The following APLF variants were observed in gnomAD, a reference collection of about 807,000 sequenced individuals.
APLF encodes aprataxin and PNKP like factor.
In APLF, 61 loss-of-function variants were observed where a neutral mutation model predicts 55.6. That is an observed-to-expected ratio of 1.10 (90% confidence interval 0.89 to 1.36). The LOEUF (loss-of-function observed/expected upper bound fraction) is 1.36, where lower values mean the gene tolerates loss of function less well. APLF is among the 40% of genes most tolerant of loss of function. The pLI is 0.00. For missense variants in APLF, 611 were observed against 602.5 expected, an observed-to-expected ratio of 1.01 and a Z score of -0.15; for synonymous variants, 207 against 214.8, an observed-to-expected ratio of 0.96 and a Z score of 0.32.
intron 5 of APLF, among the ~76,000 whole-genome samples, chr2:68,521,687 T>C (rs1244629045): frequency 6.6e-6 from 1 of 151,912 alleles, no homozygotes; most frequent in Non-Finnish European, 1.5e-5. Context: ...ATATTTCCAC[T>C]GGTATCATGC....
In APLF at chr2:68,529,149, C is replaced by T. The variant is rs530942582; in HGVS notation, c.804+2907C>T. 443 of 1,308,640 alleles carry T rather than the reference C, an allele frequency of 3.4e-4. 2 individuals are homozygous for T. The highest frequency in any genetic ancestry group is 4.2e-4 in the Non-Finnish European group (404 of 955,942). 81.1% of individuals were successfully genotyped at this position (1,308,640 alleles called of 1,614,324 possible). A position where few individuals can be genotyped will look rare whatever the true frequency, so the allele number is the denominator to read the frequency against. On this transcript the variant is annotated intron_variant, in intron 6 of 9. Transcript: ENST00000303795. This position sits in a 1 kb window ranked among gnomAD's most constrained non-coding sequence, Gnocchi z 4.4. Reference sequence around the variant, plus strand: ...ATCCTGGAGTTGCGAGCAGACAGCACGGGTTTCTTCCTTGAGGGGGGGCTC... The same window carrying T: ...ATCCTGGAGTTGCGAGCAGACAGCATGGGTTTCTTCCTTGAGGGGGGGCTC...
chr2:68,516,891 A>G (rs1338139841), intron 5 of APLF, among the ~76,000 whole-genome samples: 1 of 132,526 alleles, frequency 7.5e-6, no homozygotes, highest in Non-Finnish European at 1.6e-5. Flanking sequence ...TATATATAAT[A>G]TAATAATATA....
At chr2:68,511,364 T>C (rs760547517) in intron 3 of APLF, among the ~76,000 whole-genome samples, 10 of 151,886 alleles carry the variant, frequency 6.6e-5, no homozygotes, top group Non-Finnish European at 1.3e-4. Context: ...GTGACAGTGT[T>C]TTATATTTAA....
intron 2 of APLF, among the ~76,000 whole-genome samples, chr2:68,495,936 G>C (rs548905568): frequency 6.6e-6 from 1 of 152,356 alleles, no homozygotes; most frequent in African/African-American, 2.4e-5. Flanking sequence ...GGATAGCACT[G>C]TCCCAAGGCC....
chr2:68,484,550 G>A (rs542695425), intron 1 of APLF, among the ~76,000 whole-genome samples: 1 of 152,104 alleles, frequency 6.6e-6, no homozygotes, highest in East Asian at 1.9e-4. Flanking sequence ...AAATTAGCCG[G>A]ACATGGTGGC....
intron 6 of APLF, chr2:68,535,485 A>C (rs1229551153): frequency 5.2e-6 from 1 of 190,976 alleles, no homozygotes; most frequent in African/African-American, 2.4e-5. Flanking sequence ...CCAAGTATGG[A>C]TATTATTCTT....
chr2:68,564,924 A>G (rs1183643011), intron 8 of APLF, among the ~76,000 whole-genome samples: 1 of 152,094 alleles, frequency 6.6e-6, no homozygotes, highest in Admixed American at 6.6e-5. Flanking sequence ...GTTGTCCAAT[A>G]TGATAGCCAC....
At chr2:68,475,812 T>C (rs1315994081) in intron 1 of APLF, among the ~76,000 whole-genome samples, 2 of 152,096 alleles carry the variant, frequency 1.3e-5, no homozygotes, top group Non-Finnish European at 2.9e-5. Flanking sequence ...TGGGAAGATA[T>C]CTAGATAAGA....
rs1477371115 is a variant in APLF, at chr2:68,536,621, T to C, written c.805-1251T>C. 3.9e-5 allele frequency among the ~76,000 whole-genome samples: 6 copies of C among 152,336 alleles called. No individual in the cohort carries two copies. The East Asian group carries it at 1.2e-3, about 29-fold the overall frequency. ...ATAAGACCAGGCTTATTGTTTGTGC[T>C]GTTGGTAAGTACAAATTATAAAGGT... On this transcript the variant is annotated intron_variant, in intron 6 of 9. Transcript: ENST00000303795.
chr2:68,556,549 T>A (rs1671015881), intron 8 of APLF, among the ~76,000 whole-genome samples: 1 of 152,198 alleles, frequency 6.6e-6, no homozygotes, highest in Non-Finnish European at 1.5e-5. Context: ...GTTCCTCTGA[T>A]GAATAATAGG....
chr2:68,517,729 ATAAC>A (rs1356516090), intron 5 of APLF, among the ~76,000 whole-genome samples: 2 of 145,418 alleles, frequency 1.4e-5, no homozygotes, highest in African/African-American at 2.5e-5. Context: ...ATGTTAATAT[ATAAC>A]TAATATATCA....
chr2:68,516,974 TA>T (rs2103959630), intron 5 of APLF, among the ~76,000 whole-genome samples: 1 of 125,334 alleles, frequency 8.0e-6, no homozygotes, highest in East Asian at 2.1e-4. Context: ...TAATATAATA[TA>T]ATATAATTAT....
chr2:68,574,958 G>T (rs72835044), intron 9 of APLF, among the ~76,000 whole-genome samples: 2,503 of 152,230 alleles, frequency 0.016, 27 homozygotes, highest in Middle Eastern at 0.041. Context: ...TTTATTAAGT[G>T]CTCCCACATG....
intron 2 of APLF, among the ~76,000 whole-genome samples, chr2:68,497,327 G>A (rs1676578355): frequency 6.6e-6 from 1 of 152,148 alleles, no homozygotes; most frequent in African/African-American, 2.4e-5. Flanking sequence ...TCCAGTGTTG[G>A]AGGAGTGGCC....
Position 68,467,714 on chromosome 2 carries a change from G to T in APLF, c.-18G>T, listed in dbSNP as rs1675471536. ...GAGGGGCCAGTCTCCTGGCGAAGGG[G>T]CCTAATCCTTGCCCGCCATGTCCGG... On this transcript the variant is annotated 5_prime_UTR_variant, in exon 1 of 10. Transcript: ENST00000303795. The T allele has an allele frequency of 1.6e-6, 2 of 1,234,394 alleles. No individual in the cohort carries two copies. The highest frequency in any genetic ancestry group is 1.6e-5 in the African/African-American group (1 of 64,484). 76.5% of individuals were successfully genotyped at this position (1,234,394 alleles called of 1,614,324 possible). A position where few individuals can be genotyped will look rare whatever the true frequency, so the allele number is the denominator to read the frequency against.
intron 5 of APLF, among the ~76,000 whole-genome samples, chr2:68,525,058 C>T (rs1444768739): frequency 6.6e-6 from 1 of 152,128 alleles, no homozygotes; most frequent in Non-Finnish European, 1.5e-5. Context: ...CTTTGGGAGG[C>T]TGAGACAGGC....
intron 6 of APLF, chr2:68,528,194 G>A: frequency 1.2e-6 from 1 of 830,606 alleles, no homozygotes; most frequent in Non-Finnish European, 1.9e-6. Context: ...CCGCCCACCT[G>A]GGCCTCCCAA....
intron 1 of APLF, among the ~76,000 whole-genome samples, chr2:68,488,750 A>G (rs1463408977): frequency 6.6e-6 from 1 of 152,132 alleles, no homozygotes; most frequent in Non-Finnish European, 1.5e-5. Context: ...AATAATAGCT[A>G]TGGCAATGTT....
chr2:68,498,533 A>G (rs866622350), intron 2 of APLF, among the ~76,000 whole-genome samples: 1 of 152,248 alleles, frequency 6.6e-6, no homozygotes, highest in Non-Finnish European at 1.5e-5. Context: ...TTCTCCTACA[A>G]AAAATGCTGT....
Sources: gnomAD v4.1 joint callset for allele counts (sites outside exome capture counted in the v4.1 genomes callset) on GRCh38, gnomAD v4.1.1 for gene constraint, Gnocchi (gnomAD v3.1) non-coding constraint, MANE v1.5 for transcripts, NCBI Gene and HGNC (gene_info 2026-07-23, HGNC 2026-07-21) for gene names.